Variants in ZNF804B observed in about 807,000 individuals in gnomAD.
ZNF804B encodes the protein zinc finger 804B.
Under a neutral mutation model 101.4 loss-of-function variants are expected in ZNF804B, and 80 were observed. The observed-to-expected ratio is 0.79, with a 90% confidence interval of 0.66 to 0.95. ZNF804B has a LOEUF of 0.95. Ranked by LOEUF, ZNF804B falls within the 40% of genes least tolerant of loss-of-function variation. The probability of loss-of-function intolerance (pLI) is 0.00; values close to 1 mark genes in which losing one functional copy is unlikely to be tolerated. For missense variants in ZNF804B, 1,673 were observed against 1,561.9 expected (o/e 1.07, Z -1.20); for synonymous variants, 622 against 558.8 (o/e 1.11, Z -1.59).
Position 89,334,291 on chromosome 7 carries a change from G to A in ZNF804B, c.1309G>A (p.Ala437Thr). 3 of 1,613,796 alleles carry A rather than the reference G, an allele frequency of 1.9e-6. No homozygotes were observed. The highest frequency in any genetic ancestry group is 2.5e-6 in the Non-Finnish European group (3 of 1,179,844). ...AAAAGAAGCATGTACCCATAATGTG[G>A]CATCTAAACCACTACCTTTTCTCCA... ...LVKEACTHNV[A>T]SKPLPFLHVQ... The change falls in exon 4 of 4, where the codon GCA becomes ACA. Residue 437 changes from alanine (A) to threonine (T), a missense_variant. By Grantham distance (58) the Ala-to-Thr change is moderately conservative. Transcript: ENST00000333190.
Position 89,279,589 on chromosome 7 carries a change from T to G in ZNF804B, c.250-47755T>G, listed in dbSNP as rs563347121. Among the ~76,000 whole-genome samples, 166 of 152,290 alleles carry G rather than the reference T, an allele frequency of 1.1e-3. 5 individuals carry two copies. The South Asian group carries it at 0.033, about 31-fold the overall frequency. ...GTTGTTGAATTTTGTCAAAGGCCTTTTCTGCATCTATTGAGATAATCTTGT... is the reference window on the plus strand; with the variant it reads ...GTTGTTGAATTTTGTCAAAGGCCTTGTCTGCATCTATTGAGATAATCTTGT... On this transcript the variant is annotated intron_variant, in intron 2 of 3. Transcript: ENST00000333190.
Position 88,814,447 on chromosome 7 carries a change from A to AACACACAC in ZNF804B, c.108+54401_108+54408dup, listed in dbSNP as rs66471769. Among the ~76,000 whole-genome samples, 403 of 141,370 alleles carry AACACACAC rather than the reference A, an allele frequency of 2.9e-3. 3 individuals carry two copies. Among genetic ancestry groups the AACACACAC allele is most frequent in the African/African-American group, 7.4e-3 (289 of 39,008 alleles). 92.7% of individuals were successfully genotyped at this position (141,370 alleles called of 152,430 possible). A position where few individuals can be genotyped will look rare whatever the true frequency, so the allele number is the denominator to read the frequency against. ...AATCACTGTCTCTTACCTCCCTTCA[A>AACACACAC]ACACACACACACACACACACACACA... is the stretch of plus-strand genomic sequence containing the variant. On this transcript the variant is annotated intron_variant, in intron 1 of 3. Transcript: ENST00000333190.
rs1791078949 is a variant in ZNF804B at position 89,336,005 on chromosome 7, G to T, written c.3023G>T (p.Ser1008Ile). The stretch of plus-strand genomic sequence containing the variant: ...ACTACGGAGAAAGACAAAAGCAAAA[G>T]TTCACACACAAATAATTTTACAATT... ...PRTTEKDKSK[S>I]SHTNNFTILA... Residue 1008 changes from serine (S) to isoleucine (I), a missense_variant, in exon 4 of 4, where the codon AGT (serine) becomes ATT (isoleucine). Transcript: ENST00000333190. The T allele has an allele frequency of 6.2e-7, 1 of 1,613,822 alleles. No individual in the cohort carries two copies. The highest frequency in any genetic ancestry group is 8.5e-7 in the Non-Finnish European group (1 of 1,179,986).
intron 1 of ZNF804B, among the ~76,000 whole-genome samples, chr7:88,763,473 A>G (rs766246187): frequency 1.8e-4 from 27 of 152,216 alleles, no homozygotes; most frequent in Non-Finnish European, 2.8e-4. Flanking sequence ...AAAAAATAGC[A>G]TACTGCTTTT....
At chr7:89,218,680 G>A (rs1350299117) in intron 2 of ZNF804B, among the ~76,000 whole-genome samples, 1 of 152,026 alleles carries the variant, frequency 6.6e-6, no homozygotes, top group African/African-American at 2.4e-5. Flanking sequence ...CTGTTGACCA[G>A]GAAGAAGTTT....
At chr7:88,881,162 G>A (rs1313380205) in intron 1 of ZNF804B, among the ~76,000 whole-genome samples, 1 of 151,854 alleles carries the variant, frequency 6.6e-6, no homozygotes, top group Non-Finnish European at 1.5e-5. Context: ...ATGGACTATA[G>A]GTTATTTATA....
intron 1 of ZNF804B, among the ~76,000 whole-genome samples, chr7:89,125,531 A>T (rs2116372282): frequency 6.6e-6 from 1 of 152,196 alleles, no homozygotes; most frequent in South Asian, 2.1e-4. Context: ...TTGTCCATTC[A>T]TAAGCATTCC....
chr7:88,915,148 A>G (rs10274352), intron 1 of ZNF804B, among the ~76,000 whole-genome samples: 2,063 of 152,200 alleles, frequency 0.014, 44 homozygotes, highest in African/African-American at 0.047. Context: ...AGAGAAAATA[A>G]TTGCTTATCT....
chr7:88,782,369 T>C (rs1437674773), intron 1 of ZNF804B, among the ~76,000 whole-genome samples: 1 of 152,106 alleles, frequency 6.6e-6, no homozygotes, highest in Non-Finnish European at 1.5e-5. Context: ...TAAACACTGA[T>C]AGTTAACCCC....
At chr7:89,203,869 G>A (rs569504001) in intron 1 of ZNF804B, among the ~76,000 whole-genome samples, 1 of 152,070 alleles carries the variant, frequency 6.6e-6, no homozygotes, top group African/African-American at 2.4e-5. Context: ...GAGTTTGCAG[G>A]CCTGTGTTTA....
intron 1 of ZNF804B, among the ~76,000 whole-genome samples, chr7:88,772,740 T>G (rs2115635732): frequency 6.6e-6 from 1 of 152,310 alleles, no homozygotes; most frequent in Middle Eastern, 3.4e-3. Flanking sequence ...AACTCAAAAT[T>G]TCTTACTCCC....
At chr7:89,236,377 C>A (rs1238298390) in intron 2 of ZNF804B, among the ~76,000 whole-genome samples, 3 of 151,856 alleles carry the variant, frequency 2.0e-5, no homozygotes. Flanking sequence ...ACATATTGAG[C>A]CAACTGTTAT....
chr7:89,172,492 G>A (rs1264248290), intron 1 of ZNF804B, among the ~76,000 whole-genome samples: 3 of 151,984 alleles, frequency 2.0e-5, no homozygotes, highest in African/African-American at 4.8e-5. Context: ...GATTCTTCTC[G>A]CCTATGAAAT....
At chr7:88,966,442 C>T (rs1050142048) in intron 1 of ZNF804B, among the ~76,000 whole-genome samples, 3 of 151,466 alleles carry the variant, frequency 2.0e-5, no homozygotes, top group Non-Finnish European at 4.4e-5. Context: ...TACGTTTGAA[C>T]TGATGCCAAG....
chr7:88,922,102 A>T (rs1171235623), intron 1 of ZNF804B, among the ~76,000 whole-genome samples: 2 of 152,060 alleles, frequency 1.3e-5, no homozygotes, highest in Admixed American at 6.6e-5. Flanking sequence ...ACAGAATTTG[A>T]TTCTGTTCAG....
In ZNF804B at chr7:89,207,091, C is replaced by T. The variant is rs565226638; in HGVS notation, c.109-11064C>T. Among the ~76,000 whole-genome samples the T allele has an allele frequency of 1.2e-4, 18 of 152,340 alleles. No homozygotes were observed. In the South Asian group the frequency reaches 2.9e-3, roughly 25 times the overall value. Reference sequence around the variant, plus strand: ...AAAGTTCCATACTTTCCCATATTTTCCTGTTTTCTTCTGAGCCCTCCAAAT... The same window carrying T: ...AAAGTTCCATACTTTCCCATATTTTTCTGTTTTCTTCTGAGCCCTCCAAAT... On this transcript the variant is annotated intron_variant, in intron 1 of 3. Coordinates refer to ENST00000333190, the MANE Select transcript of ZNF804B (RefSeq NM_181646.5).
chr7:89,258,440 G>A (rs1789666942), intron 2 of ZNF804B, among the ~76,000 whole-genome samples: 1 of 152,114 alleles, frequency 6.6e-6, no homozygotes, highest in Admixed American at 6.5e-5. Flanking sequence ...CTTAATTTTG[G>A]TTACATAGTT....
chr7:89,219,835 AATATATATGT>A (rs1283684557), intron 2 of ZNF804B, among the ~76,000 whole-genome samples: 1 of 149,142 alleles, frequency 6.7e-6, no homozygotes, highest in Non-Finnish European at 1.5e-5. Flanking sequence ...GTGTATACTA[AATATATATGT>A]ATATATATGT....
intron 2 of ZNF804B, among the ~76,000 whole-genome samples, chr7:89,318,617 A>T (rs987326944): frequency 6.6e-6 from 1 of 152,084 alleles, no homozygotes; most frequent in Non-Finnish European, 1.5e-5. Flanking sequence ...ACAAAAATTA[A>T]CCGCGTGTGG....
Sources: gnomAD v4.1 joint callset for allele counts (sites outside exome capture counted in the v4.1 genomes callset) on GRCh38, gnomAD v4.1.1 for gene constraint, MANE v1.5 for transcripts, NCBI Gene and HGNC (gene_info 2026-07-23, HGNC 2026-07-21) for gene names.